Variants in QRICH2 observed in about 807,000 individuals in gnomAD.
QRICH2 encodes glutamine rich 2, also known as glutamine-rich protein 2.
In QRICH2, 119 loss-of-function variants were observed where a neutral mutation model predicts 168.3. That is an observed-to-expected ratio of 0.71 (90% CI 0.61 to 0.82). QRICH2 has a LOEUF of 0.82. QRICH2 is among the 40% of genes least tolerant of loss of function. QRICH2 has a pLI of 0.00. For missense variants in QRICH2, 2,241 were observed against 2,491.6 expected (o/e 0.90, Z 2.14); for synonymous variants, 894 against 951.2 (o/e 0.94, Z 1.11).
chr17:76,295,600 G>A (rs1463240532), intron 3 of QRICH2, among the ~76,000 whole-genome samples: 1 of 151,608 alleles, frequency 6.6e-6, no homozygotes, highest in Admixed American at 6.6e-5. Flanking sequence ...CCGAGATCAC[G>A]CCACTGCACT....
In QRICH2 at chr17:76,307,655, T is replaced by C; in HGVS notation, c.344A>G (p.Lys115Arg). 1 of 1,475,398 alleles carries C rather than the reference T, an allele frequency of 6.8e-7. No homozygotes were observed. The highest frequency in any genetic ancestry group is 1.4e-5 in the South Asian group (1 of 73,386). The allele number at this position is 1,475,398 out of a possible 1,614,324, so 91.4% of individuals were successfully genotyped here. The change falls in exon 1 of 19, where the codon AAG becomes AGG. Residue 115 changes from lysine to arginine, a missense_variant. Around this residue, in one of 3 missense-constraint regions of QRICH2, gnomAD observed 2,047 missense variants for 2,303.8 expected, o/e 0.89. Coordinates refer to ENST00000680821, the MANE Select transcript of QRICH2 (RefSeq NM_001388453.1). This position sits in a 1 kb window ranked among gnomAD's most constrained non-coding sequence, Gnocchi z 5.3. The stretch of plus-strand genomic sequence containing the variant: ...CTGGCCGTCCACACGCTTGAGCTGC[T>C]TGCTCAGGTCCTCCACCTGGCCGCC... ...DLGGQVEDLS[K>R]QLKRVDGQVQ...
intron 5 of QRICH2, 42 bp downstream of exon 5, chr17:76,289,950 T>TAA: frequency 7.8e-7 from 1 of 1,285,858 alleles, no homozygotes; most frequent in Non-Finnish European, 1.1e-6. Context: ...AAACTCCATC[T>TAA]CAAAAAAAAA....
chr17:76,291,830 A>G lies in QRICH2; in HGVS notation c.2897T>C (p.Met966Thr). The G allele has an allele frequency of 6.2e-7, 1 of 1,614,078 alleles. No individual in the cohort carries two copies. Among genetic ancestry groups the G allele is most frequent in the Non-Finnish European group, 8.5e-7 (1 of 1,180,000 alleles). Residue 966 changes from methionine (M) to threonine (T), a missense_variant, in exon 4 of 19, where the codon ATG (methionine) becomes ACG (threonine). By Grantham distance (81) the Met-to-Thr change is moderately conservative. Coordinates refer to ENST00000680821, the MANE Select transcript of QRICH2 (RefSeq NM_001388453.1). Reference sequence around the variant, plus strand: ...AGGTTGTCTCAAACCATACTGATCCATTCCTGGCTGCACCAGACCACGTGG... The same window carrying G: ...AGGTTGTCTCAAACCATACTGATCCGTTCCTGGCTGCACCAGACCACGTGG... ...TYPRGLVQPG[M>T]DQYGLRQPGA...
chr17:76,280,363 A>G lies in QRICH2; in HGVS notation c.4550T>C (p.Leu1517Pro). The G allele has an allele frequency of 6.2e-7, 1 of 1,614,164 alleles. No individual in the cohort carries two copies. Among genetic ancestry groups the G allele is most frequent in the Non-Finnish European group, 8.5e-7 (1 of 1,180,024 alleles). Residue 1517 changes from leucine (L) to proline (P), a missense_variant, in exon 11 of 19, where the codon CTG becomes CCG. Leu to Pro is a moderately conservative substitution (Grantham distance 98). Around this residue, in one of 3 missense-constraint regions of QRICH2, gnomAD observed 2,047 missense variants for 2,303.8 expected, o/e 0.89. Transcript: ENST00000680821. The surrounding 1 kb of genome is among the most constrained non-coding windows in gnomAD (Gnocchi z 7.4). ...TEQLNHMMQE[L>P]VAKMSGQEQD... ...CTCCTGCCCGCTCATCTTGGCCACC[A>G]GCTCCTGCATCATGTGGTTCAGCTG...
chr17:76,300,881 A>G lies in QRICH2; in HGVS notation c.705+3534T>C, dbSNP rs963064993. Reference sequence around the variant, plus strand: ...AGCCTGGCCAACACGGTGAAACCCCATCTTTACTAAAAATACAAAAAAATT... The same window carrying G: ...AGCCTGGCCAACACGGTGAAACCCCGTCTTTACTAAAAATACAAAAAAATT... On this transcript the variant is annotated intron_variant, in intron 3 of 18. Transcript: ENST00000680821. Among the ~76,000 whole-genome samples the G allele has an allele frequency of 3.3e-5, 5 of 152,014 alleles. 1 individual carries two copies. The East Asian group carries it at 9.7e-4, about 29-fold the overall frequency.
At chr17:76,285,746 G>A (rs554439172) in intron 7 of QRICH2, among the ~76,000 whole-genome samples, 28 of 152,128 alleles carry the variant, frequency 1.8e-4, no homozygotes, top group South Asian at 6.2e-4. Flanking sequence ...CTACTTGGGA[G>A]GCTGAGGCAA....
intron 3 of QRICH2, among the ~76,000 whole-genome samples, chr17:76,296,380 A>C (rs1309737172): frequency 3.3e-5 from 5 of 152,202 alleles, no homozygotes; most frequent in Non-Finnish European, 5.9e-5. Context: ...TCCAGACTGC[A>C]GTGCAGGGAG....
At chr17:76,284,134 C>G (rs1367288253) in intron 7 of QRICH2, among the ~76,000 whole-genome samples, 1 of 126,040 alleles carries the variant, frequency 7.9e-6, no homozygotes, top group Non-Finnish European at 1.5e-5. Flanking sequence ...TGCCACTGCA[C>G]TCCAGCCTGG....
At chr17:76,288,281 G>T (rs1192962254) in intron 5 of QRICH2, among the ~76,000 whole-genome samples, 1 of 151,360 alleles carries the variant, frequency 6.6e-6, no homozygotes, top group Admixed American at 6.6e-5. Flanking sequence ...CTACTCAGGA[G>T]GCTGAGACAC....
At chr17:76,298,324 G>A (rs1027740928) in intron 3 of QRICH2, among the ~76,000 whole-genome samples, 1 of 149,890 alleles carries the variant, frequency 6.7e-6, no homozygotes. Flanking sequence ...GACTACAGGC[G>A]CCCACCACCA....
chr17:76,275,698 C>G (rs2070662162), intron 18 of QRICH2, 121 bp downstream of exon 18: 1 of 1,287,056 alleles, frequency 7.8e-7, no homozygotes, highest in Non-Finnish European at 1.0e-6. Flanking sequence ...ACACCCATCC[C>G]CCCCTTCGGC....
rs372176573 is a variant in QRICH2 at position 76,281,268 on chromosome 17, C to T, written c.4264-315G>A. Among the ~76,000 whole-genome samples the T allele has an allele frequency of 5.9e-5, 9 of 152,314 alleles. No individual in the cohort carries two copies. The highest frequency in any genetic ancestry group is 5.8e-4 in the East Asian group (3 of 5,190). On this transcript the variant is annotated intron_variant, in intron 8 of 18. Coordinates refer to ENST00000680821, the MANE Select transcript of QRICH2 (RefSeq NM_001388453.1). This position sits in a 1 kb window ranked among gnomAD's most constrained non-coding sequence, Gnocchi z 4.4. ...GGTGTCCACCCCCACAGGACACAAG[C>T]GTCAGTCACCTACATCCCCATGGAC...
At chr17:76,288,639 A>G (rs2070934519) in intron 5 of QRICH2, among the ~76,000 whole-genome samples, 1 of 151,916 alleles carries the variant, frequency 6.6e-6, no homozygotes, top group Non-Finnish European at 1.5e-5. Flanking sequence ...CAGGGGGCAG[A>G]GGTTGCAGTG....
At position 76,275,800 on chromosome 17, in the gene QRICH2, C is replaced by A; in HGVS notation, c.5482+19G>T. 6.2e-7 allele frequency: 1 copy of A among 1,602,322 alleles called. No homozygotes were observed. On this transcript the variant is annotated intron_variant, in intron 18 of 18. Transcript: ENST00000680821. ...CAGCGGGGAGGCCTGGCAGGACGCC[C>A]CACCCAGAGGGAAGCTACCTGAGGT...
Position 76,308,029 on chromosome 17 carries a change from G to T in QRICH2, c.-31C>A, listed in dbSNP as rs927669769. ...CTGTCAGGAGCTGTGCGCCGCCGCG[G>T]GGCGCCGGCCAACCACTTCCCGCTC... On this transcript the variant is annotated 5_prime_UTR_variant, in exon 1 of 19. Coordinates refer to ENST00000680821, the MANE Select transcript of QRICH2 (RefSeq NM_001388453.1). The T allele has an allele frequency of 1.1e-5, 13 of 1,231,532 alleles. No homozygotes were observed. Among genetic ancestry groups the T allele is most frequent in the Non-Finnish European group, 1.1e-5 (11 of 987,650 alleles). 76.3% of individuals were successfully genotyped at this position (1,231,532 alleles called of 1,614,324 possible). A position where few individuals can be genotyped will look rare whatever the true frequency, so the allele number is the denominator to read the frequency against.
At chr17:76,276,912 G>A in intron 16 of QRICH2, 145 bp from the exon 17 acceptor site, 1 of 737,506 alleles carries the variant, frequency 1.4e-6, no homozygotes, top group South Asian at 1.8e-5. Flanking sequence ...CGAGAAGGTG[G>A]AGGGAGGTGA....
At chr17:76,297,785 C>T (rs192623308) in intron 3 of QRICH2, among the ~76,000 whole-genome samples, 2 of 151,574 alleles carry the variant, frequency 1.3e-5, no homozygotes, top group Non-Finnish European at 2.9e-5. Context: ...GTGGCATGAT[C>T]ACAGCTCACT....
chr17:76,276,941 GTGGGAGGCC>G (rs1030905331), intron 16 of QRICH2, among the ~76,000 whole-genome samples, 174 bp from the exon 17 acceptor site: 6 of 152,230 alleles, frequency 3.9e-5, no homozygotes, highest in East Asian at 1.9e-4. Context: ...CTGGGCCACG[GTGGGAGGCC>G]TGGGAGGCCG....
chr17:76,278,568 G>A (rs2070730960), intron 14 of QRICH2, among the ~76,000 whole-genome samples: 1 of 152,230 alleles, frequency 6.6e-6, no homozygotes, highest in African/African-American at 2.4e-5. Flanking sequence ...CCATCCTTAG[G>A]AGAAGGGGAG....
Sources: gnomAD v4.1 joint callset for allele counts (sites outside exome capture counted in the v4.1 genomes callset) on GRCh38, gnomAD v4.1.1 for gene constraint, gnomAD v4.1.1 regional missense constraint, Gnocchi (gnomAD v3.1) non-coding constraint, MANE v1.5 for transcripts, NCBI Gene and HGNC (gene_info 2026-07-23, HGNC 2026-07-21) for gene names.